TDRD12: variants seen among roughly 807,000 people sequenced by gnomAD.
TDRD12 encodes putative ATP-dependent RNA helicase TDRD12.
TDRD12 carries 158 observed loss-of-function variants against 133.5 expected under a neutral mutation model. The observed-to-expected ratio is 1.18, with a 90% CI of 1.04 to 1.35. The LOEUF is 1.35. Among genes scored for constraint, TDRD12 ranks in the 40% most tolerant of loss-of-function variants. TDRD12 has a pLI of 0.00. For missense variants in TDRD12, 1,443 were observed against 1,321.3 expected (o/e 1.09, Z -1.43); for synonymous variants, 460 against 477.9 (o/e 0.96, Z 0.49).
At chr19:32,723,172 CTA>C (rs1430832537) in intron 1 of TDRD12, among the ~76,000 whole-genome samples, 3 of 152,060 alleles carry the variant, frequency 2.0e-5, no homozygotes, top group African/African-American at 7.2e-5. Context: ...AATCAATTGA[CTA>C]TATGTGTGAT....
chr19:32,808,618 G>A (rs1006039167), intron 22 of TDRD12, among the ~76,000 whole-genome samples: 2 of 152,188 alleles, frequency 1.3e-5, no homozygotes, highest in Middle Eastern at 3.2e-3. Context: ...CTGTTTTCAA[G>A]TCAGGTCAAA....
chr19:32,813,309 T>C (rs1967068066), intron 24 of TDRD12, among the ~76,000 whole-genome samples: 1 of 152,206 alleles, frequency 6.6e-6, no homozygotes, highest in South Asian at 2.1e-4. Flanking sequence ...GGAACAACTT[T>C]CACTTCACTT....
In TDRD12 at chr19:32,747,179, T is replaced by A. The variant is rs542750902; in HGVS notation, c.441-1297T>A. ...GTGAGAGAGGGAGAGACTGGCTGAT[T>A]TACTTGTTCATATGTTAGATTGGGT... On this transcript the variant is annotated intron_variant, in intron 4 of 27. Coordinates refer to ENST00000444215, the Ensembl canonical transcript of TDRD12. Among the ~76,000 whole-genome samples the A allele has an allele frequency of 2.8e-3, 429 of 152,286 alleles. 1 individual carries two copies. The highest frequency in any genetic ancestry group is 5.1e-3 in the Non-Finnish European group (344 of 68,010).
chr19:32,772,848 A>G, exon 9 of TDRD12: 1 of 1,423,520 alleles, frequency 7.0e-7, no homozygotes, highest in Non-Finnish European at 9.3e-7. Context: ...AGATACAAAT[A>G]AGGTTGTATT....
chr19:32,744,999 G>A (rs984240456), intron 4 of TDRD12, among the ~76,000 whole-genome samples: 8 of 151,596 alleles, frequency 5.3e-5, no homozygotes, highest in South Asian at 4.2e-4. Context: ...TGCGGCTGGC[G>A]TGGCATCTAC....
chr19:32,815,331 C>T (rs1206294083), intron 25 of TDRD12, 117 bp from the exon 26 acceptor site: 7 of 835,934 alleles, frequency 8.4e-6, no homozygotes, highest in South Asian at 1.8e-5. Flanking sequence ...TGGCAAGCGC[C>T]GAAGTGCAGC....
chr19:32,824,067 C>T (rs559326737), downstream of TDRD12: 108 of 152,578 alleles, frequency 7.1e-4, no homozygotes, highest in Non-Finnish European at 1.4e-3. Context: ...CCTGGAAGAG[C>T]CGTTGTCTCA....
At chr19:32,827,030 TA>T in intron 9 of TDRD12, 133 bp from the exon 33 acceptor site, 1 of 449,416 alleles carries the variant, frequency 2.2e-6, no homozygotes, top group Non-Finnish European at 3.7e-6. Flanking sequence ...ATTTCTTACC[TA>T]AAATAATGAA....
intron 22 of TDRD12, among the ~76,000 whole-genome samples, chr19:32,808,187 ATTTTC>A (rs1161397433): frequency 2.0e-5 from 3 of 152,092 alleles, no homozygotes; most frequent in Non-Finnish European, 4.4e-5. Context: ...GAATTTTTTT[ATTTTC>A]TTTCTAATCC....
At chr19:32,798,551 AT>A in intron 16 of TDRD12, 116 bp downstream of exon 16, 2 of 732,470 alleles carry the variant, frequency 2.7e-6, no homozygotes, top group Non-Finnish European at 4.0e-6. Flanking sequence ...ATCTAAAAAA[AT>A]TTTATGCTTT....
At chr19:32,789,634 G>T (rs1172564260) in intron 11 of TDRD12, among the ~76,000 whole-genome samples, 1 of 152,102 alleles carries the variant, frequency 6.6e-6, no homozygotes, top group East Asian at 1.9e-4. Context: ...ATTCCATTGC[G>T]TGCATGGAGT....
In TDRD12 at chr19:32,772,804, A is replaced by G. The variant is rs1304503223; in HGVS notation, c.917A>G (p.Lys306Arg). The G allele has an allele frequency of 2.0e-6, 3 of 1,515,540 alleles. No individual in the cohort carries two copies. The East Asian group carries it at 7.6e-5, about 38-fold the overall frequency. The allele number at this position is 1,515,540 out of a possible 1,614,324, so 93.9% of individuals were successfully genotyped here. A position where few individuals can be genotyped will look rare whatever the true frequency, so the allele number is the denominator to read the frequency against. The change falls in exon 9 of 28, where the codon AAA becomes AGA. Residue 306 changes from lysine to arginine, a missense_variant. Transcript: ENST00000444215. ...TCATTGAGAGATTCACCTAAAGACA[A>G]ATCTGAAAAGAAACACCATTGCATC...
At chr19:32,736,792 T>C (rs766076114) in intron 2 of TDRD12, among the ~76,000 whole-genome samples, 6 of 152,236 alleles carry the variant, frequency 3.9e-5, no homozygotes, top group Admixed American at 6.5e-5. Flanking sequence ...TTAGTTGAGT[T>C]GGCTGTGGCC....
intron 18 of TDRD12, among the ~76,000 whole-genome samples, chr19:32,801,488 C>G (rs1157298231): frequency 6.6e-6 from 1 of 152,018 alleles, no homozygotes; most frequent in Admixed American, 6.6e-5. Context: ...TACACACACA[C>G]AAGTATGGCT....
downstream of TDRD12, among the ~76,000 whole-genome samples, chr19:32,822,106 T>C (rs563024907): frequency 1.4e-4 from 20 of 146,542 alleles, no homozygotes; most frequent in African/African-American, 4.5e-4. Flanking sequence ...GGATGACAGA[T>C]TGAGACTATA....
chr19:32,808,231 G>C (rs2145721813), intron 22 of TDRD12, among the ~76,000 whole-genome samples: 1 of 151,512 alleles, frequency 6.6e-6, no homozygotes, highest in South Asian at 2.1e-4. Flanking sequence ...ATTTCTTTTT[G>C]AGCATACAAT....
chr19:32,720,197 T>A (rs1968584150), intron 1 of TDRD12, 101 bp downstream of exon 1: 1 of 1,150,536 alleles, frequency 8.7e-7, no homozygotes, highest in Admixed American at 2.8e-5. Context: ...CCGCACAGCT[T>A]CCTACACCCA....
intron 5 of TDRD12, among the ~76,000 whole-genome samples, chr19:32,749,266 C>T (rs1311259239): frequency 3.3e-5 from 5 of 152,078 alleles, no homozygotes; most frequent in Middle Eastern, 3.2e-3. Flanking sequence ...TGGAGGAGGC[C>T]GGCCACTTAG....
At chr19:32,740,317 G>A (rs1969380942) in intron 3 of TDRD12, among the ~76,000 whole-genome samples, 1 of 117,548 alleles carries the variant, frequency 8.5e-6, no homozygotes, top group African/African-American at 3.6e-5. Flanking sequence ...GCATCTCCTG[G>A]GTACTCTCTG....
Sources: allele counts gnomAD v4.1 joint callset (sites outside exome capture counted in the v4.1 genomes callset), GRCh38; gene constraint gnomAD v4.1.1; transcripts MANE v1.5; gene names NCBI Gene and HGNC (gene_info 2026-07-23, HGNC 2026-07-21).